Variants in VRK2 observed in about 807,000 individuals in gnomAD.
The protein encoded by VRK2 is VRK serine/threonine kinase 2, also known as serine/threonine-protein kinase VRK2.
A neutral mutation model predicts 57.6 loss-of-function variants in VRK2; 60 were observed. That is an observed-to-expected ratio of 1.04 (90% confidence interval 0.85 to 1.29). VRK2 has a LOEUF of 1.29. Ranked by LOEUF, VRK2 falls within the 50% of genes most tolerant of loss-of-function variation. The pLI is 0.00. For missense variants in VRK2, 705 were observed against 588.1 expected (o/e 1.20, Z -2.06); for synonymous variants, 231 against 199.2 (o/e 1.16, Z -1.35).
At position 58,145,763 on chromosome 2, in the gene VRK2, A is replaced by T. The variant is rs187231224; in HGVS notation, c.1024-553A>T. Among the ~76,000 whole-genome samples the T allele has an allele frequency of 1.0e-3, 159 of 151,954 alleles. 1 individual carries two copies. The highest frequency in any genetic ancestry group is 3.7e-3 in the African/African-American group (154 of 41,444). On this transcript the variant is annotated intron_variant, in intron 11 of 12. Transcript: ENST00000340157. ...TACATTAGGTATTTCTCCTAATGCT[A>T]TCCCTCCTCCCTTCCCCCACCCCAT...
At chr2:58,038,962 C>T (rs185325168) in intron 3 of VRK2, among the ~76,000 whole-genome samples, 8 of 151,210 alleles carry the variant, frequency 5.3e-5, no homozygotes, top group Non-Finnish European at 7.4e-5. Context: ...TAAATAAAAA[C>T]GATTAAATGA....
chr2:58,136,758 A>AAC (rs1680081052), intron 10 of VRK2, among the ~76,000 whole-genome samples: 1 of 146,070 alleles, frequency 6.8e-6, no homozygotes, highest in African/African-American at 2.5e-5. Context: ...AGATGTCATT[A>AAC]ACATATATAT....
At chr2:57,935,071 C>G (rs1454525732) in intron 1 of VRK2, among the ~76,000 whole-genome samples, 1 of 152,102 alleles carries the variant, frequency 6.6e-6, no homozygotes, top group Non-Finnish European at 1.5e-5. Context: ...ATTGGTAGAT[C>G]TCCATTTCTT....
chr2:57,915,905 T>C (rs1418566225), intron 1 of VRK2, among the ~76,000 whole-genome samples: 1 of 152,110 alleles, frequency 6.6e-6, no homozygotes, highest in Non-Finnish European at 1.5e-5. Flanking sequence ...GAACTGTGCA[T>C]GTGTGGGATC....
chr2:58,137,224 C>CTCATATATGATATATATCAT (rs1553422542), intron 10 of VRK2, among the ~76,000 whole-genome samples: 1 of 65,142 alleles, frequency 1.5e-5, no homozygotes, highest in African/African-American at 8.4e-5. Flanking sequence ...ACATATATAT[C>CTCATATATGATATATATCAT]ATATGATACA....
intron 2 of VRK2, among the ~76,000 whole-genome samples, chr2:58,074,013 G>T (rs1669724353): frequency 6.6e-6 from 1 of 151,990 alleles, no homozygotes; most frequent in African/African-American, 2.4e-5. Context: ...TCACAGACAG[G>T]TCCCGGATAA....
At chr2:58,132,055 GA>G (rs1679286774) in intron 9 of VRK2, 127 bp downstream of exon 9, 2 of 1,206,036 alleles carry the variant, frequency 1.7e-6, no homozygotes, top group African/African-American at 3.1e-5. Context: ...TCTTTAGTTT[GA>G]AAAATATGTT....
chr2:58,071,980 TG>T (rs1669421173), intron 2 of VRK2, among the ~76,000 whole-genome samples: 1 of 151,970 alleles, frequency 6.6e-6, no homozygotes, highest in Non-Finnish European at 1.5e-5. Context: ...TTTCCTCATT[TG>T]TATGTATTTT....
At chr2:58,127,949 G>A (rs183875387) in intron 8 of VRK2, among the ~76,000 whole-genome samples, 1 of 152,174 alleles carries the variant, frequency 6.6e-6, no homozygotes, top group East Asian at 1.9e-4. Context: ...TGGTGAATTG[G>A]GCTAGTTAAT....
At chr2:57,989,903 C>T (rs527851443) in intron 1 of VRK2, among the ~76,000 whole-genome samples, 4 of 152,086 alleles carry the variant, frequency 2.6e-5, no homozygotes, top group East Asian at 3.9e-4. Flanking sequence ...ATAGATCATT[C>T]GATTTAGAAC....
intron 7 of VRK2, among the ~76,000 whole-genome samples, chr2:58,102,925 A>G (rs1239698953): frequency 2.0e-5 from 3 of 151,748 alleles, no homozygotes; most frequent in African/African-American, 4.8e-5. Flanking sequence ...AATTAATACC[A>G]TGAGTAATTA....
intron 1 of VRK2, among the ~76,000 whole-genome samples, chr2:58,008,017 G>C (rs577875416): frequency 6.6e-6 from 1 of 151,904 alleles, no homozygotes; most frequent in Non-Finnish European, 1.5e-5. Context: ...TAAGAATGTA[G>C]TGTTTTGAAC....
intron 1 of VRK2, among the ~76,000 whole-genome samples, chr2:57,972,580 A>C (rs1672129212): frequency 6.6e-6 from 1 of 151,926 alleles, no homozygotes; most frequent in East Asian, 1.9e-4. Flanking sequence ...AGATTACGCC[A>C]TGAATTCAAT....
intron 1 of VRK2, among the ~76,000 whole-genome samples, chr2:57,916,009 G>T (rs1422159364): frequency 6.6e-6 from 1 of 152,116 alleles, no homozygotes; most frequent in Non-Finnish European, 1.5e-5. Flanking sequence ...TCGTGGAATT[G>T]TCTTCCATGA....
chr2:58,137,175 T>TATATATCATATATATATCATATATC lies in VRK2; in HGVS notation c.856+1989_856+1990insATATCATATATCATATATCATATAT, dbSNP rs1201849856. Among the ~76,000 whole-genome samples the TATATATCATATATATATCATATATC allele has an allele frequency of 3.6e-5, 3 of 82,282 alleles. 1 individual carries two copies. The highest frequency in any genetic ancestry group is 1.6e-4 in the African/African-American group (3 of 18,742). The allele number at this position is 82,282 out of a possible 152,430, so 54.0% of individuals were successfully genotyped here. A position where few individuals can be genotyped will look rare whatever the true frequency, so the allele number is the denominator to read the frequency against. On this transcript the variant is annotated intron_variant, in intron 10 of 12. Transcript: ENST00000340157. ...ATGTGTTTATATATATCATATATCA[T>TATATATCATATATATATCATATATC]ATATATCATATATGATACATATATA...
intron 1 of VRK2, among the ~76,000 whole-genome samples, chr2:57,988,092 C>T (rs1672654585): frequency 6.6e-6 from 1 of 151,962 alleles, no homozygotes; most frequent in Non-Finnish European, 1.5e-5. Context: ...GGTGGTTACA[C>T]AACTGTACAT....
At chr2:58,148,352 C>G (rs1257817314) in intron 12 of VRK2, among the ~76,000 whole-genome samples, 1 of 151,764 alleles carries the variant, frequency 6.6e-6, no homozygotes, top group African/African-American at 2.4e-5. Flanking sequence ...GTCGAGTGTT[C>G]TAATTTTTAT....
At chr2:58,117,569 G>T (rs559526034) in intron 7 of VRK2, among the ~76,000 whole-genome samples, 1 of 152,078 alleles carries the variant, frequency 6.6e-6, no homozygotes, top group Non-Finnish European at 1.5e-5. Context: ...GATTTGGGAT[G>T]AGTTGCACTG....
At chr2:57,963,278 T>C (rs1270252934) in intron 1 of VRK2, among the ~76,000 whole-genome samples, 25 of 152,198 alleles carry the variant, frequency 1.6e-4, no homozygotes, top group Admixed American at 1.6e-3. Context: ...CTGTAGTCTG[T>C]TTTTCAAGAT....
Sources: gnomAD v4.1 joint callset for allele counts (sites outside exome capture counted in the v4.1 genomes callset) on GRCh38, gnomAD v4.1.1 for gene constraint, MANE v1.5 for transcripts, NCBI Gene and HGNC (gene_info 2026-07-23, HGNC 2026-07-21) for gene names.